Variants in DLG2 observed in about 807,000 individuals in gnomAD.
DLG2 encodes the protein disks large homolog 2.
A neutral mutation model predicts 132.5 loss-of-function variants in DLG2; 45 were observed. That is an observed-to-expected ratio of 0.34 (90% CI 0.27 to 0.44). The LOEUF (loss-of-function observed/expected upper bound fraction) is 0.44, where lower values mean the gene tolerates loss of function less well. DLG2 is among the 20% of genes least tolerant of loss of function. DLG2 has a pLI of 1.00. For missense variants in DLG2, 1,045 were observed against 1,196.9 expected, an observed-to-expected ratio of 0.87 and a Z score of 1.87; for synonymous variants, 424 against 419.6, an observed-to-expected ratio of 1.01 and a Z score of -0.13.
rs535709166 is a variant in DLG2 at position 84,977,059 on chromosome 11, T to C, written c.357+134602A>G. ...CCCATCACCTGTGCCTCTTTTTTTTTCTGACAGAATCGTAATTCTGTTCAA... is the reference window on the plus strand; with the variant it reads ...CCCATCACCTGTGCCTCTTTTTTTTCCTGACAGAATCGTAATTCTGTTCAA... On this transcript the variant is annotated intron_variant, in intron 6 of 27. Coordinates refer to ENST00000376104, the MANE Select transcript of DLG2 (RefSeq NM_001142699.3). 2.6e-5 allele frequency among the ~76,000 whole-genome samples: 4 copies of C among 152,264 alleles called. 1 individual carries two copies. The South Asian group carries it at 8.3e-4, about 32-fold the overall frequency.
At chr11:84,646,275 A>C (rs2099674838) in intron 6 of DLG2, among the ~76,000 whole-genome samples, 1 of 152,180 alleles carries the variant, frequency 6.6e-6, no homozygotes, top group African/African-American at 2.4e-5. Context: ...ATCAGTATGG[A>C]GTACTTGACA....
In DLG2 at chr11:83,545,830, C is replaced by G. The variant is rs147764003; in HGVS notation, c.1941-3972G>C. Among the ~76,000 whole-genome samples, 77 of 152,248 alleles carry G rather than the reference C, an allele frequency of 5.1e-4. 2 individuals carry two copies. The highest frequency in any genetic ancestry group is 1.8e-3 in the African/African-American group (76 of 41,558). The stretch of plus-strand genomic sequence containing the variant: ...GACTTGTCAGGTCCCTAAAACCAAG[C>G]AGCTGACACATTTCAGCAGCTTCTG... On this transcript the variant is annotated intron_variant, in intron 19 of 27. Transcript: ENST00000376104.
At chr11:84,059,541 A>T in intron 10 of DLG2, 57 bp from the exon 11 acceptor site, 2 of 1,329,388 alleles carry the variant, frequency 1.5e-6, no homozygotes, top group Non-Finnish European at 2.0e-6. Flanking sequence ...TTCTTAAAGA[A>T]TATTATTATG....
At chr11:83,664,892 G>T (rs916793464) in intron 18 of DLG2, among the ~76,000 whole-genome samples, 3 of 152,140 alleles carry the variant, frequency 2.0e-5, no homozygotes, top group African/African-American at 7.2e-5. Flanking sequence ...GACACTATGA[G>T]TTTTTTCATT....
chr11:85,046,276 A>C (rs193070627), intron 6 of DLG2, among the ~76,000 whole-genome samples: 261 of 152,120 alleles, frequency 1.7e-3, no homozygotes, highest in African/African-American at 6.0e-3. Context: ...GCAGTATATC[A>C]ACAGCTACCA....
chr11:84,581,740 G>A (rs1592878893), intron 6 of DLG2, among the ~76,000 whole-genome samples: 1 of 151,654 alleles, frequency 6.6e-6, no homozygotes, highest in African/African-American at 2.4e-5. Context: ...AAACCCATCT[G>A]TACTAAAAAT....
intron 12 of DLG2, among the ~76,000 whole-genome samples, chr11:83,975,757 CAT>C (rs1211106892): frequency 6.6e-6 from 1 of 151,910 alleles, no homozygotes; most frequent in Non-Finnish European, 1.5e-5. Flanking sequence ...AGTGGAAAGA[CAT>C]AGCTCTTTCA....
chr11:84,943,167 CGTGTGTGTGT>C (rs201404405), intron 6 of DLG2, among the ~76,000 whole-genome samples: 38 of 137,882 alleles, frequency 2.8e-4, no homozygotes, highest in South Asian at 1.4e-3. Context: ...TGTGTGTGTG[CGTGTGTGTGT>C]GTGTGTGTGT....
intron 6 of DLG2, chr11:84,546,684 G>C (rs1306381493): frequency 1.9e-6 from 1 of 527,334 alleles, no homozygotes; most frequent in Non-Finnish European, 3.7e-6. Context: ...AAAGGCCCTG[G>C]AGCAATTGGT....
At position 85,210,335 on chromosome 11, in the gene DLG2, C is replaced by T. The variant is rs138432727; in HGVS notation, c.187-55684G>A. ...CCAGACACACTTGTCTTCTCCTTCC[C>T]TTATCATGCACACCAAACATCCTCT... On this transcript the variant is annotated intron_variant, in intron 4 of 27. Coordinates refer to ENST00000376104, the MANE Select transcript of DLG2 (RefSeq NM_001142699.3). Among the ~76,000 whole-genome samples the T allele has an allele frequency of 1.9e-3, 285 of 152,200 alleles. 1 individual carries two copies. Among genetic ancestry groups the T allele is most frequent in the Non-Finnish European group, 3.0e-3 (205 of 67,998 alleles).
chr11:85,369,947 C>T (rs2084849367), intron 3 of DLG2, among the ~76,000 whole-genome samples: 2 of 152,090 alleles, frequency 1.3e-5, no homozygotes. Flanking sequence ...ATAAAATCAG[C>T]CTTAAAGATT....
At chr11:85,431,186 G>A (rs2091158266) in intron 3 of DLG2, among the ~76,000 whole-genome samples, 3 of 152,246 alleles carry the variant, frequency 2.0e-5, no homozygotes, top group South Asian at 4.2e-4. Flanking sequence ...AAAACGGCAT[G>A]TGAATCCTGC....
chr11:84,875,610 G>T (rs886839229), intron 6 of DLG2, among the ~76,000 whole-genome samples: 8 of 151,764 alleles, frequency 5.3e-5, no homozygotes, highest in African/African-American at 1.7e-4. Context: ...TTCACTTTAG[G>T]TTTTTTGCCA....
At chr11:83,484,380 A>AT in intron 21 of DLG2, 152 bp from the exon 22 acceptor site, 1 of 597,590 alleles carries the variant, frequency 1.7e-6, no homozygotes, top group African/African-American at 1.9e-5. Flanking sequence ...CTAAAGGTCG[A>AT]TTTTATTTTC....
At chr11:84,723,474 A>G (rs1381540419) in intron 6 of DLG2, among the ~76,000 whole-genome samples, 1 of 152,148 alleles carries the variant, frequency 6.6e-6, no homozygotes, top group African/African-American at 2.4e-5. Flanking sequence ...GTTTATATGT[A>G]TTAGAGAAAA....
intron 18 of DLG2, among the ~76,000 whole-genome samples, chr11:83,778,522 A>G (rs1314458880): frequency 6.6e-6 from 1 of 152,132 alleles, no homozygotes; most frequent in Non-Finnish European, 1.5e-5. Context: ...TTTTATGGGG[A>G]TGTTCGGAAC....
At chr11:84,091,997 G>C (rs1031654107) in intron 10 of DLG2, among the ~76,000 whole-genome samples, 2 of 152,204 alleles carry the variant, frequency 1.3e-5, no homozygotes, top group Admixed American at 1.3e-4. Context: ...CTTCATCCAT[G>C]CCAGTAAGAG....
At position 85,617,049 on chromosome 11, in the gene DLG2, A is replaced by G. The variant is rs558142507; in HGVS notation, c.-93+9538T>C. 5.2e-4 allele frequency among the ~76,000 whole-genome samples: 79 copies of G among 152,308 alleles called. 3 individuals are homozygous for G. The highest frequency in any genetic ancestry group is 1.7e-3 in the African/African-American group (71 of 41,550). On this transcript the variant is annotated intron_variant, in intron 2 of 27. Coordinates refer to ENST00000376104, the MANE Select transcript of DLG2 (RefSeq NM_001142699.3). ...GGAAGTGGGGAAAACTTCAAAAAGG[A>G]TAAGTTATTTTGTCTGTTACTCAGT...
chr11:84,389,656 A>T (rs1272338990), intron 7 of DLG2, among the ~76,000 whole-genome samples: 1 of 152,148 alleles, frequency 6.6e-6, no homozygotes, highest in East Asian at 1.9e-4. Flanking sequence ...GAATAATTTC[A>T]CACTTTTTTA....
Sources: allele counts gnomAD v4.1 joint callset (sites outside exome capture counted in the v4.1 genomes callset), GRCh38; gene constraint gnomAD v4.1.1; transcripts MANE v1.5; gene names NCBI Gene and HGNC (gene_info 2026-07-23, HGNC 2026-07-21).